NHSL1: variants seen among roughly 807,000 people sequenced by gnomAD.
The protein encoded by NHSL1 is NHS-like protein 1.
In NHSL1, 48 loss-of-function variants were observed where a neutral mutation model predicts 95.0. The observed-to-expected ratio is 0.51, with a 90% CI of 0.40 to 0.64. NHSL1 has a LOEUF of 0.64. Among genes scored for constraint, NHSL1 ranks in the 30% least tolerant of loss-of-function variants. The pLI, the probability that NHSL1 is intolerant of heterozygous loss-of-function variation, is 0.00. For missense variants in NHSL1, 1,971 were observed against 2,077.7 expected, an observed-to-expected ratio of 0.95 and a Z score of 1.00; for synonymous variants, 783 against 833.9, an observed-to-expected ratio of 0.94 and a Z score of 1.05.
chr6:138,556,885 G>A (rs1391072244), intron 1 of NHSL1, among the ~76,000 whole-genome samples: 1 of 152,070 alleles, frequency 6.6e-6, no homozygotes, highest in Non-Finnish European at 1.5e-5. Flanking sequence ...AAATCTGGGG[G>A]ATGCAATTTC....
At chr6:138,578,539 T>C (rs368257335) in intron 1 of NHSL1, among the ~76,000 whole-genome samples, 2 of 152,184 alleles carry the variant, frequency 1.3e-5, no homozygotes, top group South Asian at 2.1e-4. Flanking sequence ...TCTTCTAATA[T>C]AAGAAGACCA....
intron 1 of NHSL1, among the ~76,000 whole-genome samples, chr6:138,538,366 C>T (rs1205286879): frequency 4.3e-4 from 66 of 152,076 alleles, no homozygotes; most frequent in Admixed American, 4.3e-3. Context: ...TTTCTGAGGC[C>T]CCTTTCTCAT....
rs535437893 is a variant in NHSL1, at chr6:138,603,152, G to C, written c.96+89324C>G. On this transcript the variant is annotated intron_variant, in intron 1 of 3. Transcript: ENST00000491526. The stretch of plus-strand genomic sequence containing the variant: ...TCAGTTTTAAGCTTTTAAAGCCAAA[G>C]AGTATATTGAGAGGGGATTATTTAT... Among the ~76,000 whole-genome samples, 69 of 152,320 alleles carry C rather than the reference G, an allele frequency of 4.5e-4. No individual in the cohort carries two copies. In the South Asian group the frequency reaches 0.014, roughly 31 times the overall value.
chr6:138,609,683 G>A (rs868023195), intron 1 of NHSL1, among the ~76,000 whole-genome samples: 15 of 146,408 alleles, frequency 1.0e-4, no homozygotes, highest in South Asian at 6.6e-4. Flanking sequence ...CCGGGAGGCA[G>A]AGCTTGCAGT....
chr6:138,664,170 C>G (rs1329084131), intron 1 of NHSL1, among the ~76,000 whole-genome samples: 1 of 152,210 alleles, frequency 6.6e-6, no homozygotes, highest in African/African-American at 2.4e-5. Context: ...AAGATATTCA[C>G]CATGTGCTTG....
intron 2 of NHSL1, among the ~76,000 whole-genome samples, chr6:138,487,811 G>A (rs1583286134): frequency 6.6e-6 from 1 of 152,142 alleles, no homozygotes; most frequent in Non-Finnish European, 1.5e-5. Flanking sequence ...AGATGTCAGT[G>A]CTACTGCGGT....
chr6:138,613,852 T>C (rs1784546196), intron 1 of NHSL1, among the ~76,000 whole-genome samples: 1 of 152,218 alleles, frequency 6.6e-6, no homozygotes, highest in Non-Finnish European at 1.5e-5. Context: ...TAGTGCAGGA[T>C]GGCCTGGAAG....
At chr6:138,621,518 G>T (rs1459143941) in intron 1 of NHSL1, among the ~76,000 whole-genome samples, 3 of 151,594 alleles carry the variant, frequency 2.0e-5, no homozygotes, top group Admixed American at 1.3e-4. Flanking sequence ...TGTTGCCCAG[G>T]CTGGAGTGCA....
chr6:138,690,975 A>G (rs1785658755), intron 1 of NHSL1, among the ~76,000 whole-genome samples: 1 of 152,218 alleles, frequency 6.6e-6, no homozygotes, highest in South Asian at 2.1e-4. Context: ...TTTAATTCCC[A>G]CAATAGATCA....
intron 1 of NHSL1, among the ~76,000 whole-genome samples, chr6:138,609,930 A>G (rs888285350): frequency 6.6e-6 from 1 of 152,144 alleles, no homozygotes; most frequent in African/African-American, 2.4e-5. Context: ...GACTACCATC[A>G]ATGCCATCCT....
At chr6:138,513,872 A>G (rs1366531760) in intron 1 of NHSL1, among the ~76,000 whole-genome samples, 1 of 152,236 alleles carries the variant, frequency 6.6e-6, no homozygotes, top group African/African-American at 2.4e-5. Flanking sequence ...GATCTGGACC[A>G]TGATACAGAG....
chr6:138,637,626 G>A (rs1784904234), intron 1 of NHSL1, among the ~76,000 whole-genome samples: 1 of 152,078 alleles, frequency 6.6e-6, no homozygotes, highest in African/African-American at 2.4e-5. Context: ...CATATGAAAA[G>A]GTGCTCAACA....
chr6:138,495,522 T>TA (rs991606818), intron 2 of NHSL1, among the ~76,000 whole-genome samples: 1 of 152,210 alleles, frequency 6.6e-6, no homozygotes, highest in African/African-American at 2.4e-5. Context: ...TTTGAATACT[T>TA]ACAATGGTTT....
intron 1 of NHSL1, among the ~76,000 whole-genome samples, chr6:138,608,402 G>A (rs1489209528): frequency 4.6e-5 from 7 of 152,132 alleles, no homozygotes; most frequent in Non-Finnish European, 1.0e-4. Context: ...AAGAAATTAG[G>A]TCATTTTCAA....
At chr6:138,506,437 T>C (rs968871679) in intron 1 of NHSL1, among the ~76,000 whole-genome samples, 8 of 152,184 alleles carry the variant, frequency 5.3e-5, no homozygotes, top group Non-Finnish European at 1.2e-4. Flanking sequence ...AGTCAATAAA[T>C]GTGTAAATAA....
chr6:138,615,529 G>A (rs910490212), intron 1 of NHSL1, among the ~76,000 whole-genome samples: 1 of 152,226 alleles, frequency 6.6e-6, no homozygotes, highest in Non-Finnish European at 1.5e-5. Context: ...GGAGTGCAGT[G>A]GCACAACCTC....
Position 138,424,361 on chromosome 6 carries a change from C to T in NHSL1, c.4541G>A (p.Arg1514Gln), listed in dbSNP as rs1775112912. The T allele has an allele frequency of 2.6e-6, 4 of 1,548,450 alleles. No homozygotes were observed. The highest frequency in any genetic ancestry group is 2.0e-5 in the Admixed American group (1 of 50,802). The change falls in exon 8 of 8, where the codon CGG becomes CAG. Residue 1514 changes from arginine to glutamine, a missense_variant. Coordinates refer to ENST00000343505, the MANE Select transcript of NHSL1 (RefSeq NM_001144060.2). This position sits in a 1 kb window ranked among gnomAD's most constrained non-coding sequence, Gnocchi z 5.9. ...PSAASSRYSM[R>Q]NRIQSSPMTV... ...CATGGGGCTGCTCTGGATCCGGTTC[C>T]GCATGCTGTACCTGCTGCTGGCGGC...
chr6:138,584,304 T>C (rs1273822924), intron 1 of NHSL1, among the ~76,000 whole-genome samples: 3 of 92,796 alleles, frequency 3.2e-5, no homozygotes, highest in African/African-American at 1.9e-4. Context: ...CAAATTTGAT[T>C]AAGGGCATAG....
intron 5 of NHSL1, among the ~76,000 whole-genome samples, chr6:138,437,355 T>TATAC (rs1324487316): frequency 2.4e-4 from 7 of 28,900 alleles, no homozygotes; most frequent in East Asian, 2.2e-3. Flanking sequence ...CATATATATA[T>TATAC]ACACATATAT....
Sources: allele counts gnomAD v4.1 joint callset (sites outside exome capture counted in the v4.1 genomes callset), GRCh38; gene constraint gnomAD v4.1.1; non-coding constraint Gnocchi (gnomAD v3.1); transcripts MANE v1.5; gene names NCBI Gene and HGNC (gene_info 2026-07-23, HGNC 2026-07-21).